ASTN2: variants seen among roughly 807,000 people sequenced by gnomAD.
ASTN2 encodes astrotactin-2.
Under a neutral mutation model 139.8 loss-of-function variants are expected in ASTN2, and 54 were observed. The observed-to-expected ratio is 0.39, with a 90% CI of 0.31 to 0.48. The LOEUF is 0.48. ASTN2 is among the 20% of genes least tolerant of loss of function. The pLI, the probability that ASTN2 is intolerant of heterozygous loss-of-function variation, is 0.95. For synonymous variants in ASTN2, 756 were observed against 719.5 expected, an observed-to-expected ratio of 1.05 and a Z score of -0.81; for missense variants, 1,565 against 1,725.1, an observed-to-expected ratio of 0.91 and a Z score of 1.64.
chr9:117,197,958 G>A (rs1265323949), intron 3 of ASTN2, among the ~76,000 whole-genome samples: 1 of 151,744 alleles, frequency 6.6e-6, no homozygotes, highest in East Asian at 1.9e-4. Context: ...CTTCTTTGAA[G>A]GTAATGTATC....
At chr9:117,202,827 C>T (rs376045358) in intron 3 of ASTN2, among the ~76,000 whole-genome samples, 11 of 152,172 alleles carry the variant, frequency 7.2e-5, no homozygotes, top group African/African-American at 2.2e-4. Context: ...TTGATCTTCT[C>T]GTGGAGCATC....
intron 2 of ASTN2, among the ~76,000 whole-genome samples, chr9:117,276,034 T>A (rs1028608471): frequency 6.6e-6 from 1 of 152,202 alleles, no homozygotes; most frequent in African/African-American, 2.4e-5. Flanking sequence ...ACCTGCTTAA[T>A]ATATTGTCAG....
chr9:117,185,316 T>C (rs141089582), intron 3 of ASTN2, among the ~76,000 whole-genome samples: 53 of 152,352 alleles, frequency 3.5e-4, no homozygotes, highest in African/African-American at 1.2e-3. Context: ...TTTGCTAAGC[T>C]GAGCTTTTCA....
chr9:117,140,814 T>C (rs1345110866), intron 4 of ASTN2, among the ~76,000 whole-genome samples: 1 of 152,146 alleles, frequency 6.6e-6, no homozygotes. Flanking sequence ...CTTGGAGAAG[T>C]AGAGTGATTT....
chr9:117,188,855 C>A (rs1354359664), intron 3 of ASTN2, among the ~76,000 whole-genome samples: 1 of 152,086 alleles, frequency 6.6e-6, no homozygotes, highest in Non-Finnish European at 1.5e-5. Flanking sequence ...GCCAGGTACC[C>A]GTGGGAATTA....
intron 4 of ASTN2, among the ~76,000 whole-genome samples, chr9:117,101,750 T>C (rs1828983825): frequency 6.6e-6 from 1 of 152,216 alleles, no homozygotes; most frequent in South Asian, 2.1e-4. Context: ...CTGATGTATG[T>C]CTGATTCAAA....
At chr9:117,141,057 C>T (rs745507070) in intron 4 of ASTN2, among the ~76,000 whole-genome samples, 1 of 152,188 alleles carries the variant, frequency 6.6e-6, no homozygotes, top group Non-Finnish European at 1.5e-5. Context: ...TGGTGCTACA[C>T]ACTTTCCATA....
At chr9:116,738,128 C>G (rs1328108794) in intron 13 of ASTN2, among the ~76,000 whole-genome samples, 3 of 142,590 alleles carry the variant, frequency 2.1e-5, no homozygotes, top group Non-Finnish European at 4.6e-5. Flanking sequence ...GGAGGCGGAG[C>G]TTGCAGTGAG....
intron 1 of ASTN2, among the ~76,000 whole-genome samples, chr9:117,304,083 G>A (rs773446782): frequency 6.6e-6 from 1 of 152,148 alleles, no homozygotes; most frequent in Non-Finnish European, 1.5e-5. Flanking sequence ...CAAACCTGCC[G>A]GCTGACCACA....
At chr9:117,028,575 C>T (rs1432953520) in intron 6 of ASTN2, among the ~76,000 whole-genome samples, 1 of 151,654 alleles carries the variant, frequency 6.6e-6, no homozygotes, top group Admixed American at 6.6e-5. Context: ...TGCGGAGGGG[C>T]CAGGCTTCCC....
chr9:117,267,315 G>A (rs1833959176), intron 2 of ASTN2, among the ~76,000 whole-genome samples: 1 of 152,154 alleles, frequency 6.6e-6, no homozygotes, highest in Non-Finnish European at 1.5e-5. Flanking sequence ...TCCTAGTACA[G>A]TAAAAGGGCA....
chr9:116,515,108 G>A (rs920032366), intron 19 of ASTN2, among the ~76,000 whole-genome samples: 3 of 151,950 alleles, frequency 2.0e-5, no homozygotes, highest in Non-Finnish European at 4.4e-5. Flanking sequence ...ACTGAAGACT[G>A]GAGCTGTCCT....
intron 16 of ASTN2, among the ~76,000 whole-genome samples, chr9:116,718,253 G>A (rs559794406): frequency 2.6e-5 from 4 of 152,176 alleles, no homozygotes; most frequent in Admixed American, 6.5e-5. Flanking sequence ...AGTGACAAAA[G>A]GATTGCAGCT....
intron 6 of ASTN2, among the ~76,000 whole-genome samples, chr9:117,029,538 GTCA>G (rs1426380058): frequency 1.3e-5 from 2 of 152,066 alleles, no homozygotes; most frequent in Non-Finnish European, 2.9e-5. Flanking sequence ...TTCACACTGA[GTCA>G]TCATTTATTG....
At chr9:117,379,741 C>A (rs983046621) in intron 1 of ASTN2, among the ~76,000 whole-genome samples, 1 of 152,048 alleles carries the variant, frequency 6.6e-6, no homozygotes, top group African/African-American at 2.4e-5. Flanking sequence ...AGAGAAAATT[C>A]AAAAGAAGAT....
At chr9:117,148,406 ACATTT>A (rs1830250892) in intron 3 of ASTN2, among the ~76,000 whole-genome samples, 2 of 152,220 alleles carry the variant, frequency 1.3e-5, no homozygotes, top group Non-Finnish European at 2.9e-5. Context: ...CAGCTTCATG[ACATTT>A]CATTTAACTC....
intron 19 of ASTN2, among the ~76,000 whole-genome samples, chr9:116,579,784 G>A (rs982050138): frequency 6.6e-6 from 1 of 152,118 alleles, no homozygotes; most frequent in African/African-American, 2.4e-5. Flanking sequence ...GGGACTATGG[G>A]CAAACAATTC....
At chr9:117,352,395 C>A (rs975760764) in intron 1 of ASTN2, among the ~76,000 whole-genome samples, 3 of 152,188 alleles carry the variant, frequency 2.0e-5, no homozygotes, top group Non-Finnish European at 4.4e-5. Flanking sequence ...CAACCTGGAA[C>A]CTCCTACACA....
At chr9:117,085,455 T>G (rs945382333) in intron 5 of ASTN2, among the ~76,000 whole-genome samples, 1 of 151,990 alleles carries the variant, frequency 6.6e-6, no homozygotes, top group East Asian at 1.9e-4. Context: ...CACAGCAGAG[T>G]TGGGAAGAGA....
Sources: gnomAD v4.1 joint callset for allele counts (sites outside exome capture counted in the v4.1 genomes callset) on GRCh38, gnomAD v4.1.1 for gene constraint, MANE v1.5 for transcripts, NCBI Gene and HGNC (gene_info 2026-07-23, HGNC 2026-07-21) for gene names.